Variants in ME3 observed in about 807,000 individuals in gnomAD.
ME3 encodes malic enzyme 3, also known as NADP-dependent malic enzyme, mitochondrial.
In ME3, 48 loss-of-function variants were observed where a neutral mutation model predicts 68.9. The observed-to-expected ratio is 0.70, with a 90% confidence interval of 0.55 to 0.89. The LOEUF is 0.89. Ranked by LOEUF, ME3 falls within the 40% of genes least tolerant of loss-of-function variation. ME3 has a pLI of 0.00. For synonymous variants in ME3, 320 were observed against 318.8 expected (o/e 1.00, Z -0.04); for missense variants, 675 against 797.4 (o/e 0.85, Z 1.85).
intron 2 of ME3, among the ~76,000 whole-genome samples, chr11:86,648,713 A>G (rs1011189010): frequency 1.3e-5 from 2 of 152,224 alleles, no homozygotes; most frequent in Non-Finnish European, 2.9e-5. Flanking sequence ...ACCTCTATGC[A>G]TATAAACTAG....
At chr11:86,475,364 C>T (rs532976727) in intron 7 of ME3, among the ~76,000 whole-genome samples, 4 of 152,164 alleles carry the variant, frequency 2.6e-5, no homozygotes, top group Non-Finnish European at 5.9e-5. Flanking sequence ...TTGTAAGCTT[C>T]CTGAGGCCTT....
Position 86,483,350 on chromosome 11 carries a change from TGGAA to T in ME3, c.809+3983_809+3986del, listed in dbSNP as rs572927227. On this transcript the variant is annotated intron_variant, in intron 7 of 14. Coordinates refer to ENST00000543262, the Ensembl canonical transcript of ME3. Reference sequence around the variant, plus strand: ...GAAGGACAGGGGCTCACATCAAGTGTGGAAGGTAACATTAAGGAGTGGGCCTGTG... The same window carrying T: ...GAAGGACAGGGGCTCACATCAAGTGTGGTAACATTAAGGAGTGGGCCTGTG... Among the ~76,000 whole-genome samples, 9 of 152,160 alleles carry T rather than the reference TGGAA, an allele frequency of 5.9e-5. No individual in the cohort carries two copies. The East Asian group carries it at 1.5e-3, about 26-fold the overall frequency.
intron 2 of ME3, among the ~76,000 whole-genome samples, chr11:86,584,453 T>C (rs1195936498): frequency 6.6e-6 from 1 of 152,182 alleles, no homozygotes; most frequent in Non-Finnish European, 1.5e-5. Flanking sequence ...GATCCAGCAA[T>C]GCCACTTCTG....
chr11:86,603,566 A>T (rs1961094080), intron 2 of ME3, among the ~76,000 whole-genome samples: 2 of 152,148 alleles, frequency 1.3e-5, no homozygotes, highest in Admixed American at 1.3e-4. Flanking sequence ...AACTAGAAAT[A>T]CCATTTGACC....
intron 6 of ME3, among the ~76,000 whole-genome samples, chr11:86,495,628 A>C (rs1226008983): frequency 6.6e-6 from 1 of 152,210 alleles, no homozygotes; most frequent in Non-Finnish European, 1.5e-5. Context: ...AGGCCAAAAG[A>C]CAATTTCAGC....
chr11:86,538,699 G>C (rs1469801299), intron 4 of ME3, among the ~76,000 whole-genome samples: 1 of 152,024 alleles, frequency 6.6e-6, no homozygotes, highest in Admixed American at 6.5e-5. Context: ...AGTTCCCTGT[G>C]GGCTCTCCTC....
chr11:86,528,845 A>G (rs1594311345), intron 4 of ME3, among the ~76,000 whole-genome samples: 1 of 152,188 alleles, frequency 6.6e-6, no homozygotes, highest in Non-Finnish European at 1.5e-5. Context: ...TCTCTGGGAC[A>G]CATTCAAAGC....
chr11:86,464,263 A>C lies in ME3; in HGVS notation c.919+828T>G, dbSNP rs544011884. On this transcript the variant is annotated intron_variant, in intron 8 of 14. Coordinates refer to ENST00000543262, the Ensembl canonical transcript of ME3. ...GGCAAACTTCATTTGTTAAAGCATC[A>C]TCAAGGTTTCTCTCGGACTTTACAA... is the stretch of plus-strand genomic sequence containing the variant. 4 of 335,544 alleles carry C rather than the reference A, an allele frequency of 1.2e-5. No individual in the cohort carries two copies. The East Asian group carries it at 3.4e-4, about 28-fold the overall frequency. The allele number at this position is 335,544 out of a possible 1,614,324, so 20.8% of individuals were successfully genotyped here. A position where few individuals can be genotyped will look rare whatever the true frequency, so the allele number is the denominator to read the frequency against.
chr11:86,569,312 T>G (rs1216462852), intron 2 of ME3, among the ~76,000 whole-genome samples: 1 of 152,164 alleles, frequency 6.6e-6, no homozygotes, highest in Admixed American at 6.5e-5. Flanking sequence ...CCCTGTGTGT[T>G]CTTCCCACAC....
intron 2 of ME3, among the ~76,000 whole-genome samples, chr11:86,579,844 G>C (rs2139601353): frequency 6.6e-6 from 1 of 152,274 alleles, no homozygotes; most frequent in African/African-American, 2.4e-5. Context: ...TGGATTCCAA[G>C]TTAGAAGTTC....
intron 9 of ME3, 58 bp from the exon 10 acceptor site, chr11:86,450,060 A>T: frequency 7.4e-7 from 1 of 1,357,002 alleles, no homozygotes; most frequent in Non-Finnish European, 1.0e-6. Flanking sequence ...CTGAACATTT[A>T]TCTGATGTCT....
chr11:86,489,216 C>T (rs1384696142), intron 6 of ME3: 1 of 152,220 alleles, frequency 6.6e-6, no homozygotes, highest in African/African-American at 2.4e-5. Context: ...TGGGCCTACA[C>T]TCCGACCCTC....
rs551673628 is a variant in ME3, at chr11:86,452,983, GTTTTGTTTTTGT to G, written c.920-2597_920-2586del. On this transcript the variant is annotated intron_variant, in intron 8 of 14. Coordinates refer to ENST00000543262, the Ensembl canonical transcript of ME3. Reference sequence around the variant, plus strand: ...AATGTTGTGAGGCATTTTGTTAGAGGTTTTGTTTTTGTTTTTGTTTTTGTTTTTAATTTCAGA... The same window carrying G: ...AATGTTGTGAGGCATTTTGTTAGAGGTTTTGTTTTTGTTTTTAATTTCAGA... 9.9e-5 allele frequency among the ~76,000 whole-genome samples: 15 copies of G among 151,386 alleles called. 1 individual carries two copies. The highest frequency in any genetic ancestry group is 2.2e-4 in the African/African-American group (9 of 40,988).
intron 8 of ME3, among the ~76,000 whole-genome samples, chr11:86,463,922 G>A (rs920370624): frequency 5.3e-5 from 8 of 152,158 alleles, no homozygotes; most frequent in Non-Finnish European, 1.2e-4. Context: ...CTCTTTTTCT[G>A]TCTCAGTGTT....
chr11:86,603,940 TG>T (rs1487798273), intron 2 of ME3, among the ~76,000 whole-genome samples: 1 of 92,604 alleles, frequency 1.1e-5, no homozygotes, highest in Non-Finnish European at 2.0e-5. Context: ...CTCTGGGGAC[TG>T]TTGTGGGGTG....
downstream of ME3, among the ~76,000 whole-genome samples, chr11:86,439,197 T>A (rs1416105510): frequency 2.0e-5 from 3 of 152,212 alleles, no homozygotes; most frequent in African/African-American, 7.2e-5. Context: ...TAACATTTGA[T>A]CAAATTTCTG....
rs974726709 is a variant in ME3, at chr11:86,478,304, G to T, written c.809+9033C>A. On this transcript the variant is annotated intron_variant, in intron 7 of 14. Coordinates refer to ENST00000543262, the Ensembl canonical transcript of ME3. ...CTCATCTTTGCCCAATCTCTCCTCTGACAATGAAAGCCTAAGGACCAAAAA... is the reference window on the plus strand; with the variant it reads ...CTCATCTTTGCCCAATCTCTCCTCTTACAATGAAAGCCTAAGGACCAAAAA... Among the ~76,000 whole-genome samples, 8 of 108,138 alleles carry T rather than the reference G, an allele frequency of 7.4e-5. No homozygotes were observed. In the East Asian group the frequency reaches 2.3e-3, roughly 32 times the overall value. The allele number at this position is 108,138 out of a possible 152,430, so 70.9% of individuals were successfully genotyped here.
At chr11:86,669,294 T>C (rs493010) in intron 2 of ME3, among the ~76,000 whole-genome samples, 28,821 of 152,202 alleles carry the variant, frequency 0.19, 2,799 homozygotes, top group South Asian at 0.23. Flanking sequence ...ACTTCAGGAA[T>C]ATATAAAAGA....
chr11:86,595,565 T>C (rs937187008), intron 2 of ME3, among the ~76,000 whole-genome samples: 30 of 152,122 alleles, frequency 2.0e-4, no homozygotes, highest in Admixed American at 1.8e-3. Flanking sequence ...GCGCGTGCCC[T>C]GGTTTGAAAG....
Sources: allele counts gnomAD v4.1 joint callset (sites outside exome capture counted in the v4.1 genomes callset), GRCh38; gene constraint gnomAD v4.1.1; transcripts MANE v1.5; gene names NCBI Gene and HGNC (gene_info 2026-07-23, HGNC 2026-07-21).